The following PCDH15 variants were observed in gnomAD, a reference collection of about 807,000 sequenced individuals.
PCDH15 encodes protocadherin-15.
PCDH15 carries 129 observed loss-of-function variants against 178.5 expected under a neutral mutation model. The ratio of observed to expected loss-of-function variants is 0.72; its 90% confidence interval spans 0.63 to 0.84. The LOEUF (loss-of-function observed/expected upper bound fraction) is 0.84, where lower values mean the gene tolerates loss of function less well. PCDH15 is among the 40% of genes least tolerant of loss of function. The probability of loss-of-function intolerance (pLI) is 0.00; values close to 1 mark genes in which losing one functional copy is unlikely to be tolerated. For missense variants in PCDH15, 2,230 were observed against 2,099.9 expected, an observed-to-expected ratio of 1.06 and a Z score of -1.21; for synonymous variants, 800 against 732.0, an observed-to-expected ratio of 1.09 and a Z score of -1.50.
chr10:54,104,250 A>T (rs1176081062), intron 15 of PCDH15, among the ~76,000 whole-genome samples: 1 of 152,162 alleles, frequency 6.6e-6, no homozygotes, highest in East Asian at 1.9e-4. Context: ...CTGACAAAAA[A>T]GTTTCATCAG....
At chr10:54,221,288 A>C (rs1379812162) in intron 9 of PCDH15, among the ~76,000 whole-genome samples, 7 of 152,166 alleles carry the variant, frequency 4.6e-5, no homozygotes, top group Non-Finnish European at 8.8e-5. Flanking sequence ...TCAGTATTAT[A>C]GAGGAAATGG....
intron 2 of PCDH15, among the ~76,000 whole-genome samples, chr10:55,515,182 T>A (rs1840983884): frequency 6.6e-6 from 1 of 151,656 alleles, no homozygotes; most frequent in Admixed American, 6.6e-5. Flanking sequence ...AGAGACGGGG[T>A]TTCATCATGT....
chr10:55,496,905 A>C (rs1166097499), intron 2 of PCDH15, among the ~76,000 whole-genome samples: 1 of 151,874 alleles, frequency 6.6e-6, no homozygotes, highest in African/African-American at 2.4e-5. Flanking sequence ...CAATATCTGC[A>C]TAACTTTCCA....
chr10:54,500,283 A>C (rs9416371), intron 3 of PCDH15, among the ~76,000 whole-genome samples: 95,344 of 151,714 alleles, frequency 0.63, 31,179 homozygotes, highest in African/African-American at 0.8. Flanking sequence ...CAATAAAAAC[A>C]AGGGCCTACT....
intron 3 of PCDH15, among the ~76,000 whole-genome samples, chr10:54,863,522 C>CAA: frequency 6.6e-6 from 1 of 152,034 alleles, no homozygotes; most frequent in Non-Finnish European, 1.5e-5. Flanking sequence ...AGCCTGGGTG[C>CAA]CAGAGCGAGA....
intron 1 of PCDH15, among the ~76,000 whole-genome samples, chr10:54,725,969 T>A (rs1023445099): frequency 2.6e-5 from 4 of 151,690 alleles, no homozygotes; most frequent in Admixed American, 6.6e-5. Context: ...AGCAGGTACC[T>A]GTCTAAATTA....
At chr10:55,266,446 T>A (rs569590795) in intron 1 of PCDH15, among the ~76,000 whole-genome samples, 2 of 152,080 alleles carry the variant, frequency 1.3e-5, no homozygotes, top group East Asian at 3.9e-4. Flanking sequence ...GAGGGGAGCA[T>A]GGGTAGAGAA....
chr10:53,850,656 T>C lies in PCDH15; in HGVS notation c.3806+6519A>G, dbSNP rs558842563. ...GTTTGTATTTTATTTTTATGATTGC[T>C]TTTAGTTTATTTTATAGCTATTACA... On this transcript the variant is annotated intron_variant, in intron 28 of 37. Transcript: ENST00000644397. Among the ~76,000 whole-genome samples, 343 of 152,270 alleles carry C rather than the reference T, an allele frequency of 2.3e-3. 1 individual carries two copies. Among genetic ancestry groups the C allele is most frequent in the African/African-American group, 7.5e-3 (312 of 41,570 alleles).
intron 2 of PCDH15, among the ~76,000 whole-genome samples, chr10:55,508,027 G>A (rs184929105): frequency 2.6e-5 from 4 of 151,698 alleles, no homozygotes; most frequent in African/African-American, 7.2e-5. Flanking sequence ...CTGGACAAAT[G>A]TTACCCTACT....
In PCDH15 at chr10:54,153,158, C is replaced by A. The variant is rs1305101686; in HGVS notation, c.1726G>T (p.Gly576Trp). The A allele has an allele frequency of 3.1e-6, 5 of 1,613,772 alleles. No homozygotes were observed. The highest frequency in any genetic ancestry group is 2.7e-5 in the African/African-American group (2 of 74,880). The change falls in exon 14 of 38, where the codon GGG (glycine) becomes TGG (tryptophan). Residue 576 changes from glycine to tryptophan, a missense_variant. Gly to Trp is a radical substitution (Grantham distance 184). Transcript: ENST00000644397. ...TGGACCGTGAGTGCGTAAGTCCGCC[C>A]GACTATCATTTCCACCCCTGGAGCG... ...TIAPGVEMIV[G>W]RTYALTVQAA...
At chr10:54,841,587 C>T (rs1364600235) in intron 3 of PCDH15, among the ~76,000 whole-genome samples, 1 of 151,320 alleles carries the variant, frequency 6.6e-6, no homozygotes, top group East Asian at 1.9e-4. Context: ...AAAAAAGGAA[C>T]TATAGAAAAT....
chr10:55,411,172 T>G (rs548145031), intron 2 of PCDH15, among the ~76,000 whole-genome samples: 65 of 152,254 alleles, frequency 4.3e-4, no homozygotes, highest in African/African-American at 1.6e-3. Context: ...GTGGAATCTT[T>G]CCTTTCCTCC....
intron 2 of PCDH15, among the ~76,000 whole-genome samples, chr10:55,478,352 C>T (rs1319619167): frequency 6.6e-6 from 1 of 151,638 alleles, no homozygotes; most frequent in Non-Finnish European, 1.5e-5. Flanking sequence ...TTCCATCCAA[C>T]ATCTGCAGGA....
At chr10:55,276,897 T>A (rs1320919406) in intron 1 of PCDH15, among the ~76,000 whole-genome samples, 1 of 152,044 alleles carries the variant, frequency 6.6e-6, no homozygotes, top group South Asian at 2.1e-4. Context: ...TTACTTCCAA[T>A]GAACTCAGGG....
chr10:54,802,324 G>A (rs1202309699), upstream of PCDH15, among the ~76,000 whole-genome samples: 1 of 152,094 alleles, frequency 6.6e-6, no homozygotes, highest in African/African-American at 2.4e-5. Flanking sequence ...TTTTCCAGAG[G>A]GAGGGAAAAA....
intron 21 of PCDH15, among the ~76,000 whole-genome samples, chr10:53,968,717 C>T (rs548421097): frequency 2.6e-5 from 4 of 152,244 alleles, no homozygotes; most frequent in East Asian, 3.9e-4. Context: ...CTGCAGCCTC[C>T]GCTAGTGATA....
chr10:55,192,731 C>A (rs1351212487), intron 1 of PCDH15, among the ~76,000 whole-genome samples: 67 of 150,276 alleles, frequency 4.5e-4, no homozygotes, highest in Middle Eastern at 6.9e-3. Context: ...ATCTCTCTCT[C>A]TCTCTCTCTC....
chr10:54,042,524 T>G (rs1277888694), intron 18 of PCDH15, among the ~76,000 whole-genome samples: 1 of 151,694 alleles, frequency 6.6e-6, no homozygotes, highest in East Asian at 1.9e-4. Flanking sequence ...ACACAGAGAG[T>G]TAGAGAAAGA....
intron 1 of PCDH15, among the ~76,000 whole-genome samples, chr10:55,235,991 T>C (rs1394928752): frequency 1.3e-5 from 2 of 151,834 alleles, no homozygotes; most frequent in Non-Finnish European, 2.9e-5. Flanking sequence ...ATAGATTACC[T>C]TTAATGTAAA....
Sources: gnomAD v4.1 joint callset for allele counts (sites outside exome capture counted in the v4.1 genomes callset) on GRCh38, gnomAD v4.1.1 for gene constraint, MANE v1.5 for transcripts, NCBI Gene and HGNC (gene_info 2026-07-23, HGNC 2026-07-21) for gene names.